Variants in TMEM161A observed in about 807,000 individuals in gnomAD.
TMEM161A encodes the protein adaptive response to oxidative stress protein 29.
In TMEM161A, 46 loss-of-function variants were observed where a neutral mutation model predicts 57.1. The observed-to-expected ratio is 0.81, with a 90% CI of 0.64 to 1.03. The LOEUF (loss-of-function observed/expected upper bound fraction) is 1.03. Among genes scored for constraint, TMEM161A ranks in the 50% least tolerant of loss-of-function variants. TMEM161A has a pLI of 0.00. For synonymous variants in TMEM161A, 288 were observed against 279.0 expected (o/e 1.03, Z -0.32); for missense variants, 601 against 621.5 (o/e 0.97, Z 0.35).
Position 19,132,890 on chromosome 19 carries a change from G to C in TMEM161A, c.189-136C>G. The stretch of plus-strand genomic sequence containing the variant: ...GGCTCCTCTGCACACTGGGATATGG[G>C]GATCCCCCCACCCACCCACAGGACT... On this transcript the variant is annotated intron_variant, in intron 3 of 11. Transcript: ENST00000162044. This position sits in a 1 kb window ranked among gnomAD's most constrained non-coding sequence, Gnocchi z 4.3. 1.3e-6 allele frequency: 1 copy of C among 789,272 alleles called. No homozygotes were observed. The highest frequency in any genetic ancestry group is 2.0e-6 in the Non-Finnish European group (1 of 505,356). The allele number at this position is 789,272 out of a possible 1,614,324, so 48.9% of individuals were successfully genotyped here. A position where few individuals can be genotyped will look rare whatever the true frequency, so the allele number is the denominator to read the frequency against.
In TMEM161A at chr19:19,121,634, G is replaced by C; in HGVS notation, c.691C>G (p.Leu231Val). The C allele has an allele frequency of 6.2e-7, 1 of 1,613,998 alleles. No homozygotes were observed. The highest frequency in any genetic ancestry group is 8.5e-7 in the Non-Finnish European group (1 of 1,179,944). ...PVAKLAIRVG[L>V]AVVGSVLGAF... The stretch of plus-strand genomic sequence containing the variant: ...CCCAGCACAGAGCCCACCACTGCCA[G>C]TCCCACGCGGATAGCCAGCTTGGCC... The change falls in exon 8 of 12, where the codon CTG (leucine) becomes GTG (valine). Residue 231 changes from leucine to valine, a missense_variant. By Grantham distance (32) the Leu-to-Val change is conservative (BLOSUM62 1). Transcript: ENST00000162044. This position sits in a 1 kb window ranked among gnomAD's most constrained non-coding sequence, Gnocchi z 5.8.
intron 6 of TMEM161A, among the ~76,000 whole-genome samples, chr19:19,123,569 A>T (rs931576304): frequency 3.9e-5 from 6 of 152,240 alleles, no homozygotes; most frequent in African/African-American, 1.4e-4. Context: ...AGTAGACTAA[A>T]CTTTAAAGTT....
chr19:19,135,150 C>T (rs995354310), intron 1 of TMEM161A, among the ~76,000 whole-genome samples: 2 of 151,930 alleles, frequency 1.3e-5, no homozygotes, highest in African/African-American at 4.8e-5. Flanking sequence ...ATTTGCCTCC[C>T]GCCTCCGCTA....
chr19:19,133,244 G>A, intron 2 of TMEM161A, 34 bp from the exon 3 acceptor site: 1 of 1,609,130 alleles, frequency 6.2e-7, no homozygotes, highest in Non-Finnish European at 8.5e-7. Context: ...GGGAAGCTCA[G>A]GCGTGGGGTT....
intron 6 of TMEM161A, among the ~76,000 whole-genome samples, chr19:19,129,790 C>A (rs1346981214): frequency 6.6e-6 from 1 of 151,552 alleles, no homozygotes; most frequent in South Asian, 2.1e-4. Context: ...CACCCATAAT[C>A]CCAGCTTGGG....
intron 6 of TMEM161A, among the ~76,000 whole-genome samples, chr19:19,125,228 C>T (rs1401424591): frequency 6.6e-6 from 1 of 152,076 alleles, no homozygotes; most frequent in Non-Finnish European, 1.5e-5. Flanking sequence ...AATTGTTTAG[C>T]AAGGTTAGTC....
chr19:19,127,465 A>G (rs1261963674), intron 6 of TMEM161A, among the ~76,000 whole-genome samples: 5 of 151,680 alleles, frequency 3.3e-5, no homozygotes, highest in East Asian at 2.0e-4. Context: ...GACTACAGGT[A>G]CCCGCCACCA....
rs1273062588 is a variant in TMEM161A, at chr19:19,121,889, C to A, written c.596-70G>T. 1 of 1,535,540 alleles carries A rather than the reference C, an allele frequency of 6.5e-7. No individual in the cohort carries two copies. Among genetic ancestry groups the A allele is most frequent in the Non-Finnish European group, 8.9e-7 (1 of 1,121,416 alleles). ...TCTCTAAGGCCACTCTGTTCCCTAACCCCCCATCCCTCAGGCATCCGTTTG... is the reference window on the plus strand; with the variant it reads ...TCTCTAAGGCCACTCTGTTCCCTAAACCCCCATCCCTCAGGCATCCGTTTG... On this transcript the variant is annotated intron_variant, in intron 6 of 11. Coordinates refer to ENST00000162044, the MANE Select transcript of TMEM161A (RefSeq NM_017814.3). The surrounding 1 kb of genome is among the most constrained non-coding windows in gnomAD (Gnocchi z 5.8).
rs1159317203 is a variant in TMEM161A at position 19,119,267 on chromosome 19, C to T, written c.*663G>A. The T allele has an allele frequency of 6.6e-6, 1 of 151,686 alleles. No individual in the cohort carries two copies. The highest frequency in any genetic ancestry group is 1.5e-5 in the Non-Finnish European group (1 of 68,256). 9.4% of individuals were successfully genotyped at this position (151,686 alleles called of 1,614,324 possible). On this transcript the variant is annotated 3_prime_UTR_variant, in exon 12 of 12. Coordinates refer to ENST00000162044, the MANE Select transcript of TMEM161A (RefSeq NM_017814.3). ...GGTTCAAGCGACTCTTCTGGCTCATCCTTCTCAGTAGCTGGAACTACATGC... is the reference window on the plus strand; with the variant it reads ...GGTTCAAGCGACTCTTCTGGCTCATTCTTCTCAGTAGCTGGAACTACATGC...
rs1568538324 is a variant in TMEM161A, at chr19:19,132,627, TAG to T, written c.286+28_286+29del. Reference sequence around the variant, plus strand: ...GTGGAGACCTTCAGGGCTGAGGGAGTAGAGTTTAGGGATGGGACTGGGCTATT... The same window carrying T: ...GTGGAGACCTTCAGGGCTGAGGGAGTAGTTTAGGGATGGGACTGGGCTATT... On this transcript the variant is annotated intron_variant, in intron 4 of 11. Coordinates refer to ENST00000162044, the MANE Select transcript of TMEM161A (RefSeq NM_017814.3). The surrounding 1 kb of genome is among the most constrained non-coding windows in gnomAD (Gnocchi z 4.3). 2 of 1,551,606 alleles carry T rather than the reference TAG, an allele frequency of 1.3e-6. No individual in the cohort carries two copies. Among genetic ancestry groups the T allele is most frequent in the Non-Finnish European group, 1.7e-6 (2 of 1,147,908 alleles).
At position 19,132,860 on chromosome 19, in the gene TMEM161A, A is replaced by G. The variant is rs926224165; in HGVS notation, c.189-106T>C. On this transcript the variant is annotated intron_variant, in intron 3 of 11. Transcript: ENST00000162044. The surrounding 1 kb of genome is among the most constrained non-coding windows in gnomAD (Gnocchi z 4.3). ...GGCCTGGAGACCATCTCTTTCCACA[A>G]CCTTGGCTCCTCTGCACACTGGGAT... The G allele has an allele frequency of 4.1e-6, 4 of 972,536 alleles. No homozygotes were observed. Among genetic ancestry groups the G allele is most frequent in the African/African-American group, 3.3e-5 (2 of 60,530 alleles). The allele number at this position is 972,536 out of a possible 1,614,324, so 60.2% of individuals were successfully genotyped here. A position where few individuals can be genotyped will look rare whatever the true frequency, so the allele number is the denominator to read the frequency against.
At chr19:19,127,692 G>A (rs2146332008) in intron 6 of TMEM161A, among the ~76,000 whole-genome samples, 1 of 152,100 alleles carries the variant, frequency 6.6e-6, no homozygotes, top group South Asian at 2.1e-4. Flanking sequence ...CACGTTGGGA[G>A]GCGGAGGTGA....
intron 2 of TMEM161A, among the ~76,000 whole-genome samples, chr19:19,134,429 C>T (rs1317296914): frequency 6.6e-6 from 1 of 151,900 alleles, no homozygotes; most frequent in Non-Finnish European, 1.5e-5. Flanking sequence ...TAGCAAGACC[C>T]CATCTCTATT....
chr19:19,127,033 GAATGAGACTCTGTCTCAAAAATAA>G (rs931063408), intron 6 of TMEM161A, among the ~76,000 whole-genome samples: 10 of 152,080 alleles, frequency 6.6e-5, no homozygotes, highest in African/African-American at 2.4e-4. Flanking sequence ...CAGGGCAACA[GAATGAGACTCTGTCTCAAAAATAA>G]AATAAAATGG....
Position 19,120,183 on chromosome 19 carries a change from C to T in TMEM161A, c.1187G>A (p.Gly396Glu), listed in dbSNP as rs572878477. 3.2e-6 allele frequency: 5 copies of T among 1,544,610 alleles called. No homozygotes were observed. The Admixed American group carries it at 1.0e-4, about 31-fold the overall frequency. ...TGGGCCCAGGCCCCAGGAATAGCCTCCTAGGAGAAGAGGATGAAGCGAGGT... is the reference window on the plus strand; with the variant it reads ...TGGGCCCAGGCCCCAGGAATAGCCTTCTAGGAGAAGAGGATGAAGCGAGGT... ...LNCTLLLKTLGGYSWGLGPAP... is the reference protein window; with the variant it reads ...LNCTLLLKTLEGYSWGLGPAP... Residue 396 changes from glycine to glutamate, a missense_variant and splice_region_variant, in exon 12 of 12, where the codon GGA (glycine) becomes GAA (glutamate). By Grantham distance (98) the Gly-to-Glu change is moderately conservative (BLOSUM62 -2). Transcript: ENST00000162044.
chr19:19,120,649 C>T, intron 11 of TMEM161A, 116 bp downstream of exon 11: 2 of 935,130 alleles, frequency 2.1e-6, no homozygotes, highest in Admixed American at 4.0e-5. Flanking sequence ...ACAGTCTCCG[C>T]CCCCTGCCTA....
chr19:19,120,912 A>G (rs542346284), intron 10 of TMEM161A, 51 bp from the exon 11 acceptor site: 23 of 1,611,890 alleles, frequency 1.4e-5, no homozygotes, highest in Non-Finnish European at 2.0e-5. Context: ...CTGGTTTGGG[A>G]CGACTCCACG....
intron 6 of TMEM161A, among the ~76,000 whole-genome samples, chr19:19,125,606 T>C (rs2059927039): frequency 6.8e-6 from 1 of 146,626 alleles, no homozygotes; most frequent in South Asian, 2.2e-4. Context: ...AAGCTCCACC[T>C]CCCGGGTTCA....
chr19:19,121,443 G>A lies in TMEM161A; in HGVS notation c.801-22C>T. On this transcript the variant is annotated intron_variant, in intron 8 of 11. Coordinates refer to ENST00000162044, the MANE Select transcript of TMEM161A (RefSeq NM_017814.3). This position sits in a 1 kb window ranked among gnomAD's most constrained non-coding sequence, Gnocchi z 5.8. ...GAACCTGGGGGGTGAGGGCAGGAGG[G>A]AGTGAGGCCTGGGTACCCCCTCTCC... 1 of 1,613,752 alleles carries A rather than the reference G, an allele frequency of 6.2e-7. No individual in the cohort carries two copies. The highest frequency in any genetic ancestry group is 8.5e-7 in the Non-Finnish European group (1 of 1,179,690).
Sources: gnomAD v4.1 joint callset for allele counts (sites outside exome capture counted in the v4.1 genomes callset) on GRCh38, gnomAD v4.1.1 for gene constraint, Gnocchi (gnomAD v3.1) non-coding constraint, MANE v1.5 for transcripts, NCBI Gene and HGNC (gene_info 2026-07-23, HGNC 2026-07-21) for gene names.